Variants in CHD4 observed in about 807,000 individuals in gnomAD.
The protein encoded by CHD4 is ATP-dependent chromatin remodeler CHD4.
In CHD4, 35 loss-of-function variants were observed where a neutral mutation model predicts 235.5. The ratio of observed to expected loss-of-function variants is 0.15; its 90% CI spans 0.11 to 0.20. The LOEUF is 0.20. Among genes scored for constraint, CHD4 ranks in the 10% least tolerant of loss-of-function variants. The probability of loss-of-function intolerance (pLI) is 1.00; values close to 1 mark genes in which losing one functional copy is unlikely to be tolerated. For synonymous variants in CHD4, 900 were observed against 850.2 expected (o/e 1.06, Z -1.02); for missense variants, 1,329 against 2,432.3 (o/e 0.55, Z 9.54).
chr12:6,583,220 A>G lies in CHD4; in HGVS notation c.4038T>C (p.Asn1346=), dbSNP rs1948226080. ...GKRIRKQVNY[N]DGSQEDRDWQ... ...CACCTCGGTCCTCCTGGGAGCCATC[A>G]TTGTAGTTGACCTGTTTACGGATTC... The change falls in exon 26 of 40, where the codon AAT becomes AAC. Residue 1346 remains asparagine (N), a synonymous_variant. Transcript: ENST00000544040. 1.2e-6 allele frequency: 2 copies of G among 1,614,196 alleles called. No individual in the cohort carries two copies. The highest frequency in any genetic ancestry group is 1.7e-5 in the Admixed American group (1 of 60,026).
In CHD4 at chr12:6,587,962, A is replaced by G. The variant is rs1370536675; in HGVS notation, c.3466-13T>C. 6.8e-6 allele frequency: 11 copies of G among 1,607,722 alleles called. No homozygotes were observed. The highest frequency in any genetic ancestry group is 9.4e-6 in the Non-Finnish European group (11 of 1,174,522). On this transcript the variant is annotated splice_polypyrimidine_tract_variant and intron_variant, in intron 23 of 39. Coordinates refer to ENST00000544040, the MANE Select transcript of CHD4 (RefSeq NM_001273.5). ...CTCTGCTAAAGGCCTGGAGTTGAAC[A>G]GGAAATAAAGCCAGAAATTGTATTT...
chr12:6,591,703 G>A lies in CHD4; in HGVS notation c.3213C>T (p.Ile1071=). Residue 1071 remains isoleucine (I), a synonymous_variant, in exon 21 of 40, where the codon ATC becomes ATT. Transcript: ENST00000544040. ...CCAGTCCACATGATACCTGGGAAAA[G>A]ATGAGTACACGATGCCCACCCTCCT... The part of the protein sequence containing the change: ...NLKEGGHRVL[I]FSQMTKMLDL... 6.2e-7 allele frequency: 1 copy of A among 1,614,212 alleles called. No homozygotes were observed. The highest frequency in any genetic ancestry group is 1.1e-5 in the South Asian group (1 of 91,086).
chr12:6,573,960 T>C (rs561172327), intron 37 of CHD4, among the ~76,000 whole-genome samples: 11 of 152,202 alleles, frequency 7.2e-5, no homozygotes, highest in African/African-American at 2.2e-4. Context: ...GAGGCAAAGG[T>C]TGCAGTGAGC....
chr12:6,591,937 G>A lies in CHD4; in HGVS notation c.3069C>T (p.Tyr1023=). Residue 1023 remains tyrosine (Y), a synonymous_variant, in exon 20 of 40, where the codon TAC becomes TAT. Coordinates refer to ENST00000544040, the MANE Select transcript of CHD4 (RefSeq NM_001273.5). ...MDLKKCCNHP[Y]LFPVAAMEAP... ...ATACCATTGCAGCCACAGGGAAGAG[G>A]TATGGATGGTTGCAGCACTTCTTAA... 1 of 1,614,226 alleles carries A rather than the reference G, an allele frequency of 6.2e-7. No individual in the cohort carries two copies. The highest frequency in any genetic ancestry group is 8.5e-7 in the Non-Finnish European group (1 of 1,180,042).
chr12:6,596,166 A>T lies in CHD4; in HGVS notation c.1893-29T>A, dbSNP rs981548198. The T allele has an allele frequency of 3.1e-6, 5 of 1,609,856 alleles. No homozygotes were observed. In the African/African-American group the frequency reaches 6.7e-5, roughly 22 times the overall value. ...CAAGTCCAGGAGAGAAAACCCTCAG[A>T]GCCAGAAAAGGCAACCCTCCTCACT... On this transcript the variant is annotated intron_variant, in intron 12 of 39. Transcript: ENST00000544040.
At chr12:6,582,770 G>T in intron 28 of CHD4, 22 bp from the exon 29 acceptor site, 1 of 1,614,112 alleles carries the variant, frequency 6.2e-7, no homozygotes, top group Non-Finnish European at 8.5e-7. Context: ...AGAAACCCAG[G>T]TGAGAGGCAG....
chr12:6,600,173 T>C, intron 9 of CHD4, 44 bp downstream of exon 9: 1 of 1,605,818 alleles, frequency 6.2e-7, no homozygotes, highest in Non-Finnish European at 8.5e-7. Context: ...TGTCCCACCC[T>C]TCTTCTCATG....
Position 6,590,878 on chromosome 12 carries a change from A to G in CHD4, c.3340+588T>C, listed in dbSNP as rs142694233. Among the ~76,000 whole-genome samples the G allele has an allele frequency of 3.1e-4, 47 of 151,950 alleles. 1 individual carries two copies. The highest frequency in any genetic ancestry group is 1.1e-3 in the African/African-American group (44 of 41,458). ...GGTGGCTCGTGCCTGTAATCCCAGC[A>G]CTTTGGGAGGCCGAGGTGGGCGGAT... On this transcript the variant is annotated intron_variant, in intron 22 of 39. Transcript: ENST00000544040.
chr12:6,598,048 T>C lies in CHD4; in HGVS notation c.1738A>G (p.Met580Val), dbSNP rs1468793092. 1 of 1,614,238 alleles carries C rather than the reference T, an allele frequency of 6.2e-7. No homozygotes were observed. Among genetic ancestry groups the C allele is most frequent in the Non-Finnish European group, 8.5e-7 (1 of 1,180,044 alleles). ...AAGTCCCCAGAAGGTGGCTCATCCATATCATTCTTCCGCTGATAGTTTCGG... is the reference window on the plus strand; with the variant it reads ...AAGTCCCCAGAAGGTGGCTCATCCACATCATTCTTCCGCTGATAGTTTCGG... ...MFRNYQRKNDMDEPPSGDFGG... is the reference protein window; with the variant it reads ...MFRNYQRKNDVDEPPSGDFGG... Residue 580 changes from methionine to valine, a missense_variant, in exon 12 of 40, where the codon ATG becomes GTG. Around this residue, in one of 26 missense-constraint regions of CHD4, gnomAD observed 121 missense variants for 177.8 expected, o/e 0.68. Transcript: ENST00000544040.
chr12:6,578,319 A>G, intron 35 of CHD4, 90 bp downstream of exon 35: 1 of 1,488,070 alleles, frequency 6.7e-7, no homozygotes, highest in Non-Finnish European at 9.2e-7. Context: ...ACAGAGGTAA[A>G]GAGGTAAAGT....
At chr12:6,597,314 TG>T (rs1948517269) in intron 12 of CHD4, among the ~76,000 whole-genome samples, 1 of 150,358 alleles carries the variant, frequency 6.7e-6, no homozygotes, top group Non-Finnish European at 1.5e-5. Flanking sequence ...GATAATAACA[TG>T]AAGTGTCAGG....
chr12:6,593,357 G>T lies in CHD4; in HGVS notation c.2514+59C>A, dbSNP rs372697718. 5.0e-6 allele frequency: 8 copies of T among 1,602,400 alleles called. No individual in the cohort carries two copies. Among genetic ancestry groups the T allele is most frequent in the Non-Finnish European group, 6.8e-6 (8 of 1,171,010 alleles). On this transcript the variant is annotated intron_variant, in intron 16 of 39. Transcript: ENST00000544040. This position sits in a 1 kb window ranked among gnomAD's most constrained non-coding sequence, Gnocchi z 4.9. Reference sequence around the variant, plus strand: ...TCACCAGGGACCAGATCACAAGGAGGTAAACTAAGCCAGAAGCCACAACTC... The same window carrying T: ...TCACCAGGGACCAGATCACAAGGAGTTAAACTAAGCCAGAAGCCACAACTC...
intron 13 of CHD4, 104 bp from the exon 14 acceptor site, chr12:6,595,534 G>A (rs1948474247): frequency 4.1e-6 from 4 of 966,762 alleles, no homozygotes; most frequent in Middle Eastern, 4.4e-4. Context: ...CATTTTGGGA[G>A]GCCAGCACTT....
At chr12:6,595,145 AAAG>A (rs1453781766) in intron 14 of CHD4, among the ~76,000 whole-genome samples, 186 bp downstream of exon 14, 1 of 152,116 alleles carries the variant, frequency 6.6e-6, no homozygotes, top group African/African-American at 2.4e-5. Flanking sequence ...TCTGATGACA[AAAG>A]AAGAAAGTAA....
chr12:6,600,492 TC>T, intron 8 of CHD4, 41 bp downstream of exon 8: 1 of 789,330 alleles, frequency 1.3e-6, no homozygotes, highest in Non-Finnish European at 2.0e-6. Context: ...CCCCAATCAC[TC>T]CCACCTCATC....
In CHD4 at chr12:6,570,561, T is replaced by G; in HGVS notation, c.*115A>C. 7.6e-7 allele frequency: 1 copy of G among 1,314,316 alleles called. No individual in the cohort carries two copies. The highest frequency in any genetic ancestry group is 1.1e-6 in the Non-Finnish European group (1 of 920,038). The allele number at this position is 1,314,316 out of a possible 1,614,324, so 81.4% of individuals were successfully genotyped here. A position where few individuals can be genotyped will look rare whatever the true frequency, so the allele number is the denominator to read the frequency against. On this transcript the variant is annotated 3_prime_UTR_variant, in exon 40 of 40. Coordinates refer to ENST00000544040, the MANE Select transcript of CHD4 (RefSeq NM_001273.5). ...GCACTGGGGCTGTTCCTTTACAACA[T>G]GGAAGATGGGCAGAAGGAAGGTGAG...
At chr12:6,590,901 G>C (rs1000201849) in intron 22 of CHD4, among the ~76,000 whole-genome samples, 1 of 151,578 alleles carries the variant, frequency 6.6e-6, no homozygotes, top group African/African-American at 2.4e-5. Context: ...GAGGTGGGCG[G>C]ATCATGAGGT....
At position 6,581,345 on chromosome 12, in the gene CHD4, C is replaced by T. The variant is rs559514209; in HGVS notation, c.4725G>A (p.Glu1575=). ...TAACCTCCTTTTCTCCTTCTATGCT[C>T]TCTTCTTCTTTGAGGCTATTTTCCT... is the stretch of plus-strand genomic sequence containing the variant. ...KIEENSLKEE[E]SIEGEKEVKS... is the part of the protein sequence containing the mutation. The change falls in exon 32 of 40, where the codon GAG becomes GAA. Residue 1575 remains glutamate (E), a synonymous_variant. Coordinates refer to ENST00000544040, the MANE Select transcript of CHD4 (RefSeq NM_001273.5). The T allele has an allele frequency of 1.1e-5, 17 of 1,614,050 alleles. No individual in the cohort carries two copies. The highest frequency in any genetic ancestry group is 1.7e-5 in the Admixed American group (1 of 59,992).
chr12:6,589,504 C>G (rs546610756), intron 22 of CHD4, among the ~76,000 whole-genome samples: 1 of 152,024 alleles, frequency 6.6e-6, no homozygotes, highest in African/African-American at 2.4e-5. Flanking sequence ...CGTGGTGGCT[C>G]ACGCCTGTAA....
Sources: gnomAD v4.1 joint callset for allele counts (sites outside exome capture counted in the v4.1 genomes callset) on GRCh38, gnomAD v4.1.1 for gene constraint, gnomAD v4.1.1 regional missense constraint, Gnocchi (gnomAD v3.1) non-coding constraint, MANE v1.5 for transcripts, NCBI Gene and HGNC (gene_info 2026-07-23, HGNC 2026-07-21) for gene names.